Variants in PGBD2 observed in about 807,000 individuals in gnomAD.
The protein encoded by PGBD2 is piggyBac transposable element derived 2.
PGBD2 carries 6 observed loss-of-function variants against 8.1 expected under a neutral mutation model. The ratio of observed to expected loss-of-function variants is 0.74; its 90% CI spans 0.40 to 1.46. The LOEUF is 1.46. Ranked by LOEUF, PGBD2 falls within the 40% of genes most tolerant of loss-of-function variation. PGBD2 has a pLI of 0.02. For synonymous variants in PGBD2, 318 were observed against 272.2 expected, an observed-to-expected ratio of 1.17 and a Z score of -1.66; for missense variants, 802 against 739.0, an observed-to-expected ratio of 1.09 and a Z score of -0.99.
At position 248,917,201 on chromosome 1, in the gene PGBD2, A is replaced by G; in HGVS notation, c.617A>G (p.Asp206Gly). 6.2e-7 allele frequency: 1 copy of G among 1,614,132 alleles called. No individual in the cohort carries two copies. The highest frequency in any genetic ancestry group is 8.5e-7 in the Non-Finnish European group (1 of 1,180,016). Residue 206 changes from aspartate (D) to glycine (G), a missense_variant, in exon 3 of 3, where the codon GAT (aspartate) becomes GGT (glycine). Physicochemically the swap from Asp to Gly is moderately conservative, Grantham distance 94 (BLOSUM62 -1). Transcript: ENST00000329291. Reference sequence around the variant, plus strand: ...AGGATGTTCTGGGAAACCTCTCCCGATTCACATCATCATCTTGTGGCTGAT... The same window carrying G: ...AGGATGTTCTGGGAAACCTCTCCCGGTTCACATCATCATCTTGTGGCTGAT... ...RRRMFWETSP[D>G]SHHHLVADAI...
At chr1:248,924,060 A>C (rs1662338448), downstream of PGBD2, among the ~76,000 whole-genome samples, 1 of 152,226 alleles carries the variant, frequency 6.6e-6, no homozygotes, top group Non-Finnish European at 1.5e-5. Context: ...AGCTGGGGTG[A>C]ATCTCAGTTC....
At chr1:248,920,526 T>C (rs1338819416), downstream of PGBD2, among the ~76,000 whole-genome samples, 1 of 152,188 alleles carries the variant, frequency 6.6e-6, no homozygotes, top group Non-Finnish European at 1.5e-5. Flanking sequence ...ATGTGCCACA[T>C]TTTCTTTAGT....
chr1:248,891,777 T>C, the PGBD2 span, among the ~76,000 whole-genome samples: 8,943 of 152,254 alleles, frequency 0.059, 670 homozygotes, highest in African/African-American at 0.16. Flanking sequence ...TGAGCCAAGA[T>C]TGAGCCACTG....
intron 1 of PGBD2, among the ~76,000 whole-genome samples, chr1:248,911,147 C>G (rs1404999493): frequency 1.3e-5 from 2 of 150,808 alleles, no homozygotes; most frequent in East Asian, 3.9e-4. Flanking sequence ...ATTGATCATT[C>G]TTGGGTGTTT....
the PGBD2 span, among the ~76,000 whole-genome samples, chr1:248,893,998 T>C: frequency 9.8e-4 from 150 of 152,342 alleles, no homozygotes; most frequent in Non-Finnish European, 1.8e-3. Context: ...CTCTGATGAT[T>C]AGTGATGTTG....
At chr1:248,880,439 T>G in the PGBD2 span, among the ~76,000 whole-genome samples, 5 of 152,222 alleles carry the variant, frequency 3.3e-5, no homozygotes, top group Non-Finnish European at 1.5e-5. Flanking sequence ...AGTATGGGAA[T>G]TTTGTTATCT....
intron 1 of PGBD2, among the ~76,000 whole-genome samples, chr1:248,908,104 C>T (rs959817762): frequency 2.0e-5 from 3 of 152,194 alleles, no homozygotes; most frequent in African/African-American, 7.2e-5. Context: ...TTAACACCTA[C>T]AGGCCTTATT....
chr1:248,880,359 C>T, the PGBD2 span, among the ~76,000 whole-genome samples: 1 of 152,164 alleles, frequency 6.6e-6, no homozygotes, highest in Non-Finnish European at 1.5e-5. Context: ...TGTTGCCAGT[C>T]AGATGCTTAG....
upstream of PGBD2, among the ~76,000 whole-genome samples, chr1:248,905,308 T>G (rs1050432209): frequency 6.6e-6 from 1 of 151,688 alleles, no homozygotes; most frequent in African/African-American, 2.4e-5. Context: ...TTTTGAATGT[T>G]AACACGGTTT....
chr1:248,911,607 T>C (rs533136498), intron 1 of PGBD2, among the ~76,000 whole-genome samples: 9,478 of 145,760 alleles, frequency 0.065, 477 homozygotes, highest in Non-Finnish European at 0.087. Context: ...ATTGTCATCC[T>C]GGCCCGTTCT....
chr1:248,883,763 AT>A, the PGBD2 span, among the ~76,000 whole-genome samples: 2 of 150,668 alleles, frequency 1.3e-5, no homozygotes, highest in Non-Finnish European at 3.0e-5. Context: ...TGCCCAGCTA[AT>A]TTTTTTGTAT....
chr1:248,877,134 T>C, the PGBD2 span, among the ~76,000 whole-genome samples: 4 of 152,188 alleles, frequency 2.6e-5, no homozygotes, highest in Non-Finnish European at 5.9e-5. Context: ...TCCTGGAAGA[T>C]GTTGACCCCA....
upstream of PGBD2, among the ~76,000 whole-genome samples, chr1:248,902,856 G>C (rs566623982): frequency 6.6e-6 from 1 of 152,250 alleles, no homozygotes; most frequent in South Asian, 2.1e-4. Context: ...AGTGGGGCCT[G>C]TCAGGGACCT....
At chr1:248,908,898 A>G (rs887609795) in intron 1 of PGBD2, among the ~76,000 whole-genome samples, 1 of 151,790 alleles carries the variant, frequency 6.6e-6, no homozygotes, top group Non-Finnish European at 1.5e-5. Context: ...GCAGCTCTCC[A>G]TCATTTTGTC....
the PGBD2 span, among the ~76,000 whole-genome samples, chr1:248,874,361 G>A: frequency 3.9e-5 from 6 of 152,318 alleles, no homozygotes; most frequent in South Asian, 6.2e-4. Context: ...CTAACCATAG[G>A]TGATGTTCCC....
the PGBD2 span, among the ~76,000 whole-genome samples, chr1:248,929,010 C>G: frequency 2.6e-5 from 4 of 152,310 alleles, no homozygotes; most frequent in East Asian, 7.7e-4. Context: ...TTTGTGAGAT[C>G]TCCTTCAAAT....
At chr1:248,906,484 G>C (rs1431145465) in intron 1 of PGBD2, 142 bp downstream of exon 1, 1 of 151,824 alleles carries the variant, frequency 6.6e-6, no homozygotes, top group Admixed American at 6.6e-5. Context: ...GGCGGGACCA[G>C]GACAGGAACA....
the PGBD2 span, among the ~76,000 whole-genome samples, chr1:248,899,189 G>C: frequency 6.6e-6 from 1 of 152,160 alleles, no homozygotes; most frequent in Admixed American, 6.5e-5. Context: ...ATATTAGACA[G>C]ATTATAGAGA....
chr1:248,874,251 C>A, the PGBD2 span, among the ~76,000 whole-genome samples: 4 of 152,180 alleles, frequency 2.6e-5, no homozygotes, highest in African/African-American at 7.2e-5. Context: ...CATGTCTTCC[C>A]TGGTGGTCTA....
Sources: allele counts gnomAD v4.1 joint callset (sites outside exome capture counted in the v4.1 genomes callset), GRCh38; gene constraint gnomAD v4.1.1; transcripts MANE v1.5; gene names NCBI Gene and HGNC (gene_info 2026-07-23, HGNC 2026-07-21).